The following KCNIP4 variants were observed in gnomAD, a reference collection of about 807,000 sequenced individuals.
KCNIP4 encodes Kv channel-interacting protein 4.
Under a neutral mutation model 34.0 loss-of-function variants are expected in KCNIP4, and 12 were observed. That is an observed-to-expected ratio of 0.35 (90% CI 0.23 to 0.57). KCNIP4 has a LOEUF of 0.57. KCNIP4 is among the 20% of genes least tolerant of loss of function. The pLI is 0.83. For synonymous variants in KCNIP4, 124 were observed against 102.2 expected (o/e 1.21, Z -1.29); for missense variants, 238 against 311.7 (o/e 0.76, Z 1.78).
At chr4:21,506,343 C>T (rs1733845337) in intron 1 of KCNIP4, among the ~76,000 whole-genome samples, 1 of 152,174 alleles carries the variant, frequency 6.6e-6, no homozygotes, top group Non-Finnish European at 1.5e-5. Flanking sequence ...CTGGGCCTCA[C>T]TCTATTTTGT....
chr4:21,883,233 A>G (rs1206848915), intron 1 of KCNIP4, among the ~76,000 whole-genome samples: 2 of 150,160 alleles, frequency 1.3e-5, no homozygotes, highest in Non-Finnish European at 2.9e-5. Context: ...GCAGCCTTAT[A>G]CTCCTGGCCT....
At chr4:20,964,516 T>C (rs1446134135) in intron 1 of KCNIP4, among the ~76,000 whole-genome samples, 1 of 152,082 alleles carries the variant, frequency 6.6e-6, no homozygotes, top group Admixed American at 6.6e-5. Flanking sequence ...AGATCGTCTT[T>C]TTTGGGGGGG....
chr4:21,732,337 T>C (rs1475280811), intron 1 of KCNIP4, among the ~76,000 whole-genome samples: 1 of 152,096 alleles, frequency 6.6e-6, no homozygotes, highest in Non-Finnish European at 1.5e-5. Flanking sequence ...TCTTAAAATA[T>C]GAGATATTTC....
chr4:21,107,247 G>T (rs577994154), intron 1 of KCNIP4, among the ~76,000 whole-genome samples: 1 of 145,126 alleles, frequency 6.9e-6, no homozygotes, highest in South Asian at 2.2e-4. Context: ...CTCTTTGTAG[G>T]TCACTCAGGA....
intron 1 of KCNIP4, among the ~76,000 whole-genome samples, chr4:21,565,813 AG>A (rs1437930008): frequency 6.6e-6 from 1 of 152,174 alleles, no homozygotes; most frequent in African/African-American, 2.4e-5. Context: ...AGCTCTAAAG[AG>A]ATTGCTGAAA....
At chr4:20,786,066 G>T (rs1309048154) in intron 3 of KCNIP4, among the ~76,000 whole-genome samples, 1 of 152,068 alleles carries the variant, frequency 6.6e-6, no homozygotes, top group Non-Finnish European at 1.5e-5. Flanking sequence ...CATCAATGGT[G>T]AATTGGGTAA....
At chr4:21,597,848 C>T (rs1742776903) in intron 1 of KCNIP4, among the ~76,000 whole-genome samples, 1 of 151,846 alleles carries the variant, frequency 6.6e-6, no homozygotes, top group African/African-American at 2.4e-5. Context: ...TGAATTAGGT[C>T]CCCAGTGGTA....
rs118055121 is a variant in KCNIP4 at position 21,407,922 on chromosome 4, C to T, written c.62-525213G>A. Among the ~76,000 whole-genome samples the T allele has an allele frequency of 4.5e-4, 69 of 152,220 alleles. No homozygotes were observed. In the East Asian group the frequency reaches 0.01, roughly 23 times the overall value. On this transcript the variant is annotated intron_variant, in intron 1 of 8. Transcript: ENST00000382152. ...TATCAGGAATGCTGAAATAAATTTG[C>T]TCATGCATTGCAACATTGGCCAAAC...
At chr4:20,739,716 T>A (rs770339758) in intron 5 of KCNIP4, among the ~76,000 whole-genome samples, 1 of 152,074 alleles carries the variant, frequency 6.6e-6, no homozygotes, top group African/African-American at 2.4e-5. Flanking sequence ...TCGCCAGCAA[T>A]GGAACAAAGC....
intron 2 of KCNIP4, among the ~76,000 whole-genome samples, chr4:20,860,914 A>C (rs1389520304): frequency 6.6e-6 from 1 of 152,168 alleles, no homozygotes; most frequent in East Asian, 1.9e-4. Flanking sequence ...AAGATTTCCA[A>C]AGCGAATTTT....
chr4:21,466,323 T>C (rs903895397), intron 1 of KCNIP4, among the ~76,000 whole-genome samples: 1 of 152,204 alleles, frequency 6.6e-6, no homozygotes, highest in Non-Finnish European at 1.5e-5. Context: ...AGGGAACTTA[T>C]GTGACTCAAC....
intron 3 of KCNIP4, among the ~76,000 whole-genome samples, chr4:20,847,550 T>G (rs74768733): frequency 3.9e-5 from 6 of 152,016 alleles, no homozygotes; most frequent in South Asian, 2.1e-4. Context: ...TGCTCACTTT[T>G]GAGACTCAGA....
chr4:21,055,154 G>T (rs113338751), intron 1 of KCNIP4, among the ~76,000 whole-genome samples: 1 of 152,104 alleles, frequency 6.6e-6, no homozygotes, highest in Non-Finnish European at 1.5e-5. Flanking sequence ...ATGGGAAATA[G>T]CATATGAAAA....
At chr4:21,854,290 G>T (rs1724612163) in intron 1 of KCNIP4, among the ~76,000 whole-genome samples, 1 of 152,206 alleles carries the variant, frequency 6.6e-6, no homozygotes, top group Admixed American at 6.5e-5. Flanking sequence ...GCTTCATGAA[G>T]GAGTTGAGAC....
intron 1 of KCNIP4, among the ~76,000 whole-genome samples, chr4:21,007,569 C>G (rs1278668565): frequency 3.9e-5 from 6 of 152,184 alleles, no homozygotes; most frequent in African/African-American, 7.2e-5. Flanking sequence ...AGCAACTTCC[C>G]TTCCCAGCCT....
chr4:21,035,091 G>A lies in KCNIP4; in HGVS notation c.62-152382C>T, dbSNP rs543164125. Among the ~76,000 whole-genome samples the A allele has an allele frequency of 4.6e-5, 7 of 152,290 alleles. 1 individual carries two copies. The South Asian group carries it at 1.4e-3, about 32-fold the overall frequency. On this transcript the variant is annotated intron_variant, in intron 1 of 8. Transcript: ENST00000382152. ...CTACATTTGCTTTTAATGGACATGA[G>A]TCCAGGCTGGCAGTTGTGGAAAGAT...
chr4:21,052,392 C>A (rs1743013085), intron 1 of KCNIP4, among the ~76,000 whole-genome samples: 1 of 152,076 alleles, frequency 6.6e-6, no homozygotes, highest in African/African-American at 2.4e-5. Flanking sequence ...GTGAATTTTC[C>A]TGGAGTTAGA....
At chr4:21,919,460 G>A (rs1728821741) in intron 1 of KCNIP4, among the ~76,000 whole-genome samples, 1 of 152,156 alleles carries the variant, frequency 6.6e-6, no homozygotes, top group Non-Finnish European at 1.5e-5. Context: ...TTGGGAAGAA[G>A]CTTTAATAAG....
chr4:21,417,966 T>C (rs757396919), intron 1 of KCNIP4, among the ~76,000 whole-genome samples: 4 of 152,052 alleles, frequency 2.6e-5, no homozygotes, highest in Non-Finnish European at 5.9e-5. Context: ...AGAAGCAAGA[T>C]CCAATGCTCT....
Sources: gnomAD v4.1 joint callset for allele counts (sites outside exome capture counted in the v4.1 genomes callset) on GRCh38, gnomAD v4.1.1 for gene constraint, MANE v1.5 for transcripts, NCBI Gene and HGNC (gene_info 2026-07-23, HGNC 2026-07-21) for gene names.